The following ZNF804B variants were observed in gnomAD, a reference collection of about 807,000 sequenced individuals.
The protein encoded by ZNF804B is zinc finger protein 804B.
A neutral mutation model predicts 101.4 loss-of-function variants in ZNF804B; 80 were observed. That is an observed-to-expected ratio of 0.79 (90% CI 0.66 to 0.95). ZNF804B has a LOEUF of 0.95. ZNF804B is among the 40% of genes least tolerant of loss of function. The probability of loss-of-function intolerance (pLI) is 0.00; values close to 1 mark genes in which losing one functional copy is unlikely to be tolerated. For missense variants in ZNF804B, 1,673 were observed against 1,561.9 expected, an observed-to-expected ratio of 1.07 and a Z score of -1.20; for synonymous variants, 622 against 558.8, an observed-to-expected ratio of 1.11 and a Z score of -1.59.
chr7:89,337,133 C>A lies in ZNF804B; in HGVS notation c.*101C>A. ...GTCAATTATAAGATTTAAAATATTG[C>A]TGCCAATTCAAAATGTGACAAATAT... is the stretch of plus-strand genomic sequence containing the variant. On this transcript the variant is annotated 3_prime_UTR_variant, in exon 4 of 4. Coordinates refer to ENST00000333190, the MANE Select transcript of ZNF804B (RefSeq NM_181646.5). The A allele has an allele frequency of 8.6e-7, 1 of 1,164,246 alleles. No homozygotes were observed. Among genetic ancestry groups the A allele is most frequent in the Non-Finnish European group, 1.2e-6 (1 of 843,760 alleles). The allele number at this position is 1,164,246 out of a possible 1,614,324, so 72.1% of individuals were successfully genotyped here.
chr7:89,021,636 G>A (rs927506495), intron 1 of ZNF804B, among the ~76,000 whole-genome samples: 1 of 152,190 alleles, frequency 6.6e-6, no homozygotes, highest in Non-Finnish European at 1.5e-5. Context: ...CAGGCCCTGG[G>A]TGCAGTTGCA....
At chr7:88,970,383 T>A (rs757525) in intron 1 of ZNF804B, among the ~76,000 whole-genome samples, 123,353 of 148,878 alleles carry the variant, frequency 0.83, 51,425 homozygotes, top group African/African-American at 0.96. Context: ...ACTGTTGTAT[T>A]ATAATTTTGT....
At chr7:89,107,197 T>G (rs1790148238) in intron 1 of ZNF804B, among the ~76,000 whole-genome samples, 3 of 152,116 alleles carry the variant, frequency 2.0e-5, no homozygotes, top group Admixed American at 2.0e-4. Context: ...ATTATAATAG[T>G]GGAGTAGTTT....
chr7:88,760,835 C>T (rs1260424670), intron 1 of ZNF804B, among the ~76,000 whole-genome samples: 2 of 147,996 alleles, frequency 1.4e-5, no homozygotes, highest in South Asian at 4.2e-4. Context: ...TTTTAAGGCT[C>T]CAAATATGTT....
chr7:89,162,906 G>C (rs1265995364), intron 1 of ZNF804B, among the ~76,000 whole-genome samples: 1 of 114,296 alleles, frequency 8.7e-6, no homozygotes, highest in Non-Finnish European at 1.9e-5. Flanking sequence ...TATTCACTAT[G>C]AGTGAGAATA....
chr7:89,214,404 AT>A (rs1242601499), intron 1 of ZNF804B, among the ~76,000 whole-genome samples: 1 of 152,162 alleles, frequency 6.6e-6, no homozygotes, highest in Non-Finnish European at 1.5e-5. Flanking sequence ...TGTATCTATA[AT>A]TCTTTCTTTA....
At chr7:89,195,905 G>T (rs149844628) in intron 1 of ZNF804B, among the ~76,000 whole-genome samples, 1 of 152,006 alleles carries the variant, frequency 6.6e-6, no homozygotes, top group Non-Finnish European at 1.5e-5. Context: ...AATCAGAGAG[G>T]ACACAGGCAA....
chr7:89,195,095 A>T (rs1198554725), intron 1 of ZNF804B, among the ~76,000 whole-genome samples: 1 of 151,596 alleles, frequency 6.6e-6, no homozygotes, highest in Non-Finnish European at 1.5e-5. Flanking sequence ...AAACCACATG[A>T]TTATCTCAAT....
chr7:88,856,611 C>A (rs1195252121), intron 1 of ZNF804B, among the ~76,000 whole-genome samples: 2 of 152,070 alleles, frequency 1.3e-5, no homozygotes, highest in Non-Finnish European at 2.9e-5. Context: ...CTTCTCCTGC[C>A]TAATTGCCCT....
At chr7:88,814,055 G>T (rs1231767018) in intron 1 of ZNF804B, among the ~76,000 whole-genome samples, 1 of 152,152 alleles carries the variant, frequency 6.6e-6, no homozygotes, top group African/African-American at 2.4e-5. Flanking sequence ...AGAAATGTAT[G>T]CAGAATTGAT....
intron 2 of ZNF804B, among the ~76,000 whole-genome samples, chr7:89,224,869 T>A (rs17678587): frequency 6.6e-6 from 1 of 151,778 alleles, no homozygotes; most frequent in South Asian, 2.1e-4. Context: ...CCTATTTAAC[T>A]CTCCCAAATT....
At chr7:88,874,258 T>C (rs1791886985) in intron 1 of ZNF804B, among the ~76,000 whole-genome samples, 1 of 152,128 alleles carries the variant, frequency 6.6e-6, no homozygotes, top group African/African-American at 2.4e-5. Context: ...CACTCATGAT[T>C]TGGCTTTCTG....
At chr7:89,070,744 T>G (rs1789523533) in intron 1 of ZNF804B, among the ~76,000 whole-genome samples, 1 of 152,142 alleles carries the variant, frequency 6.6e-6, no homozygotes. Flanking sequence ...GTCAAATTGA[T>G]TTTGACCTTA....
intron 1 of ZNF804B, among the ~76,000 whole-genome samples, chr7:88,967,716 CAAA>C (rs3034332): frequency 0.16 from 20,513 of 125,276 alleles, 1,454 homozygotes; most frequent in South Asian, 0.22. Flanking sequence ...ATTGAAAAAG[CAAA>C]AAAAAAAAAA....
At chr7:89,261,403 A>C (rs1008802571) in intron 2 of ZNF804B, among the ~76,000 whole-genome samples, 2 of 151,934 alleles carry the variant, frequency 1.3e-5, no homozygotes, top group Admixed American at 1.3e-4. Context: ...TTTGTCTTCA[A>C]GTTTTTTCAA....
In ZNF804B at chr7:88,770,623, G is replaced by A. The variant is rs559484264; in HGVS notation, c.108+10539G>A. Among the ~76,000 whole-genome samples, 46 of 152,264 alleles carry A rather than the reference G, an allele frequency of 3.0e-4. No homozygotes were observed. The South Asian group carries it at 4.8e-3, about 16-fold the overall frequency. ...TGGATGAATATTTCCAATGGTGTGG[G>A]AGCTCTCTGCTTATCAAGGTGATTT... On this transcript the variant is annotated intron_variant, in intron 1 of 3. Coordinates refer to ENST00000333190, the MANE Select transcript of ZNF804B (RefSeq NM_181646.5).
At chr7:88,821,192 T>C (rs751407295) in intron 1 of ZNF804B, among the ~76,000 whole-genome samples, 2 of 152,182 alleles carry the variant, frequency 1.3e-5, no homozygotes, top group Non-Finnish European at 2.9e-5. Flanking sequence ...AAAACTGTTA[T>C]ACACCATAAT....
intron 2 of ZNF804B, among the ~76,000 whole-genome samples, chr7:89,229,236 G>A (rs1789149153): frequency 6.6e-6 from 1 of 152,242 alleles, no homozygotes; most frequent in South Asian, 2.1e-4. Context: ...CCAGGCAGAG[G>A]AGGCGCTGAG....
At position 89,336,190 on chromosome 7, in the gene ZNF804B, C is replaced by T. The variant is rs1467626352; in HGVS notation, c.3208C>T (p.Pro1070Ser). 1.2e-6 allele frequency: 2 copies of T among 1,613,806 alleles called. No individual in the cohort carries two copies. Among genetic ancestry groups the T allele is most frequent in the South Asian group, 1.1e-5 (1 of 91,074 alleles). ...TTTTATTCAAAGCTGTGACCCAGTA[C>T]CAAATGAATTCCCTGGTGCTTTTCC... ...QPFIQSCDPVPNEFPGAFPSN... is the reference protein window; with the variant it reads ...QPFIQSCDPVSNEFPGAFPSN... The change falls in exon 4 of 4, where the codon CCA becomes TCA. Residue 1070 changes from proline to serine, a missense_variant. By Grantham distance (74) the Pro-to-Ser change is moderately conservative. Transcript: ENST00000333190.
Sources: gnomAD v4.1 joint callset for allele counts (sites outside exome capture counted in the v4.1 genomes callset) on GRCh38, gnomAD v4.1.1 for gene constraint, MANE v1.5 for transcripts, NCBI Gene and HGNC (gene_info 2026-07-23, HGNC 2026-07-21) for gene names.